Variants in HSD17B12 observed in about 807,000 individuals in gnomAD.
HSD17B12 encodes the protein very-long-chain 3-oxoacyl-CoA reductase.
HSD17B12 carries 32 observed loss-of-function variants against 39.3 expected under a neutral mutation model. The ratio of observed to expected loss-of-function variants is 0.81; its 90% CI spans 0.61 to 1.09. The LOEUF is 1.09. Ranked by LOEUF, HSD17B12 falls within the 50% of genes least tolerant of loss-of-function variation. The probability of loss-of-function intolerance (pLI) is 0.00; values close to 1 mark genes in which losing one functional copy is unlikely to be tolerated. For synonymous variants in HSD17B12, 150 were observed against 146.7 expected (o/e 1.02, Z -0.16); for missense variants, 342 against 382.9 (o/e 0.89, Z 0.89).
intron 1 of HSD17B12, among the ~76,000 whole-genome samples, chr11:43,703,483 C>T (rs1052870367): frequency 6.6e-5 from 10 of 152,170 alleles, no homozygotes; most frequent in East Asian, 1.9e-4. Flanking sequence ...TGTGAGCCAC[C>T]GCGCCCGGCC....
upstream of HSD17B12, among the ~76,000 whole-genome samples, chr11:43,676,617 T>C (rs866234828): frequency 2.0e-5 from 3 of 152,312 alleles, no homozygotes; most frequent in South Asian, 6.2e-4. Flanking sequence ...TTATACCTAG[T>C]ACCTAGCTCA....
At chr11:43,645,446 G>C in the HSD17B12 span, 1 of 152,164 alleles carries the variant, frequency 6.6e-6, no homozygotes, top group African/African-American at 2.4e-5. Flanking sequence ...TTGGTAAGGT[G>C]GGAGATTTGA....
chr11:43,621,749 A>G, the HSD17B12 span, among the ~76,000 whole-genome samples: 1 of 152,262 alleles, frequency 6.6e-6, no homozygotes, highest in South Asian at 2.1e-4. Context: ...AAATTCGTAA[A>G]CTTATTGGTG....
chr11:43,583,019 C>T, the HSD17B12 span, among the ~76,000 whole-genome samples: 2 of 152,192 alleles, frequency 1.3e-5, no homozygotes, highest in African/African-American at 4.8e-5. Context: ...GGCATAAGAA[C>T]CACGTTAGAT....
At chr11:43,703,645 G>T (rs1049966350) in intron 1 of HSD17B12, among the ~76,000 whole-genome samples, 1 of 152,056 alleles carries the variant, frequency 6.6e-6, no homozygotes, top group African/African-American at 2.4e-5. Context: ...TTCTATCTTG[G>T]TAGGTTGTAT....
intron 9 of HSD17B12, among the ~76,000 whole-genome samples, chr11:43,844,281 C>G (rs1479204266): frequency 6.6e-6 from 1 of 152,196 alleles, no homozygotes; most frequent in Non-Finnish European, 1.5e-5. Context: ...CTCTCCCCAT[C>G]TTTCCCTCAA....
chr11:43,653,554 C>T, the HSD17B12 span, among the ~76,000 whole-genome samples: 1 of 152,044 alleles, frequency 6.6e-6, no homozygotes, highest in Admixed American at 6.6e-5. Flanking sequence ...CTTCCCCCTC[C>T]CCCACCTCAC....
chr11:43,799,174 AT>A (rs1193174308), intron 4 of HSD17B12, among the ~76,000 whole-genome samples: 6 of 152,094 alleles, frequency 3.9e-5, no homozygotes, highest in African/African-American at 1.2e-4. Flanking sequence ...CTCTCATGAA[AT>A]TTTAATACCA....
intron 4 of HSD17B12, among the ~76,000 whole-genome samples, chr11:43,799,168 C>T (rs1355815513): frequency 6.6e-6 from 1 of 151,824 alleles, no homozygotes; most frequent in Non-Finnish European, 1.5e-5. Flanking sequence ...ATCTAACTCT[C>T]ATGAAATTTT....
intron 1 of HSD17B12, among the ~76,000 whole-genome samples, chr11:43,730,040 G>C (rs117755171): frequency 0.017 from 2,573 of 151,390 alleles, 30 homozygotes; most frequent in Non-Finnish European, 0.026. Flanking sequence ...TTGTGGATGT[G>C]TGTGTGTTTT....
At chr11:43,614,030 C>T in the HSD17B12 span, among the ~76,000 whole-genome samples, 1 of 152,120 alleles carries the variant, frequency 6.6e-6, no homozygotes, top group Non-Finnish European at 1.5e-5. Flanking sequence ...TGTGATTTTT[C>T]TATATATTTT....
At chr11:43,573,427 C>T in the HSD17B12 span, among the ~76,000 whole-genome samples, 4 of 152,162 alleles carry the variant, frequency 2.6e-5, no homozygotes, top group Admixed American at 2.0e-4. Flanking sequence ...TGGAGCAAGA[C>T]AGAAACAAGG....
At chr11:43,783,687 T>C (rs970467842) in intron 3 of HSD17B12, among the ~76,000 whole-genome samples, 1 of 152,084 alleles carries the variant, frequency 6.6e-6, no homozygotes, top group African/African-American at 2.4e-5. Flanking sequence ...TTTCTGTTCT[T>C]GTGTTAGTTT....
chr11:43,686,859 G>A (rs10838151), intron 1 of HSD17B12, among the ~76,000 whole-genome samples: 76,153 of 151,964 alleles, frequency 0.5, 19,516 homozygotes, highest in Non-Finnish European at 0.53. Flanking sequence ...TGCCAGGGTA[G>A]GGTTTAGAAG....
the HSD17B12 span, among the ~76,000 whole-genome samples, chr11:43,630,391 T>C: frequency 2.0e-5 from 3 of 152,204 alleles, no homozygotes; most frequent in Admixed American, 6.5e-5. Context: ...CCAGCTATAC[T>C]CAAAGCGGGG....
the HSD17B12 span, among the ~76,000 whole-genome samples, chr11:43,655,772 A>G: frequency 6.6e-6 from 1 of 152,134 alleles, no homozygotes; most frequent in African/African-American, 2.4e-5. Flanking sequence ...ATCATGATGG[A>G]TAAGCTTTTT....
chr11:43,759,525 A>T lies in HSD17B12; in HGVS notation c.283+5404A>T, dbSNP rs371996176. ...TTAGCCAGGATTATTCATATATTAAATATTTTTGCCAATTTTGATTCATCA... is the reference window on the plus strand; with the variant it reads ...TTAGCCAGGATTATTCATATATTAATTATTTTTGCCAATTTTGATTCATCA... On this transcript the variant is annotated intron_variant, in intron 3 of 10. Coordinates refer to ENST00000278353, the MANE Select transcript of HSD17B12 (RefSeq NM_016142.3). 2.6e-4 allele frequency among the ~76,000 whole-genome samples: 40 copies of T among 152,234 alleles called. 1 individual carries two copies. The East Asian group carries it at 4.2e-3, about 16-fold the overall frequency.
the HSD17B12 span, chr11:43,644,140 G>C: frequency 6.6e-6 from 1 of 152,226 alleles, no homozygotes; most frequent in Non-Finnish European, 1.5e-5. Context: ...TGCAGGGCTC[G>C]CCAGCCCGGC....
chr11:43,726,224 G>A (rs2134876645), intron 1 of HSD17B12, among the ~76,000 whole-genome samples: 1 of 152,204 alleles, frequency 6.6e-6, no homozygotes, highest in South Asian at 2.1e-4. Flanking sequence ...GATAAGTAAA[G>A]TTAGGTAGTT....
Sources: gnomAD v4.1 joint callset for allele counts (sites outside exome capture counted in the v4.1 genomes callset) on GRCh38, gnomAD v4.1.1 for gene constraint, MANE v1.5 for transcripts, NCBI Gene and HGNC (gene_info 2026-07-23, HGNC 2026-07-21) for gene names.